Variants in TBC1D8 observed in about 807,000 individuals in gnomAD.
The protein encoded by TBC1D8 is BUB2-like protein 1.
Under a neutral mutation model 118.8 loss-of-function variants are expected in TBC1D8, and 65 were observed. The observed-to-expected ratio is 0.55, with a 90% CI of 0.45 to 0.67. The LOEUF (loss-of-function observed/expected upper bound fraction) is 0.67, where lower values mean the gene tolerates loss of function less well. Among genes scored for constraint, TBC1D8 ranks in the 30% least tolerant of loss-of-function variants. TBC1D8 has a pLI of 0.00. For missense variants in TBC1D8, 1,376 were observed against 1,471.2 expected (o/e 0.94, Z 1.06); for synonymous variants, 566 against 595.8 (o/e 0.95, Z 0.73).
At chr2:101,091,469 T>A (rs1288596620) in intron 1 of TBC1D8, among the ~76,000 whole-genome samples, 1 of 152,160 alleles carries the variant, frequency 6.6e-6, no homozygotes, top group African/African-American at 2.4e-5. Context: ...CTCATGCCTG[T>A]AATCCCAGCA....
intron 1 of TBC1D8, among the ~76,000 whole-genome samples, chr2:101,123,803 G>A (rs1362019987): frequency 1.3e-5 from 2 of 152,180 alleles, no homozygotes; most frequent in Non-Finnish European, 2.9e-5. Flanking sequence ...ACACATAAAG[G>A]AAGGTCCTGC....
At chr2:101,121,593 G>A (rs1018977307) in intron 1 of TBC1D8, among the ~76,000 whole-genome samples, 3 of 152,208 alleles carry the variant, frequency 2.0e-5, no homozygotes, top group Admixed American at 1.3e-4. Flanking sequence ...TTGTAAGGGC[G>A]CTAGTCCCAT....
At chr2:101,109,730 G>A in intron 1 of TBC1D8, 1 of 929,276 alleles carries the variant, frequency 1.1e-6, no homozygotes, top group South Asian at 5.0e-5. Flanking sequence ...ATGATGCCGG[G>A]CCTCCCCAGC....
chr2:101,044,200 A>G (rs1681557400), intron 5 of TBC1D8, among the ~76,000 whole-genome samples: 1 of 152,256 alleles, frequency 6.6e-6, no homozygotes, highest in Admixed American at 6.5e-5. Flanking sequence ...AACAGGGGGG[A>G]CTTTCCTAAG....
rs189537525 is a variant in TBC1D8 at position 101,129,457 on chromosome 2, T to C, written c.127+21670A>G. Among the ~76,000 whole-genome samples, 290 of 152,248 alleles carry C rather than the reference T, an allele frequency of 1.9e-3. 1 individual carries two copies. The Middle Eastern group carries it at 0.02, about 11-fold the overall frequency. On this transcript the variant is annotated intron_variant, in intron 1 of 19. Transcript: ENST00000409318. ...CATCTGGCCCTGACCACAGTTTTTT[T>C]AAATATCTGTTACTTAAACCATTAA...
In TBC1D8 at chr2:101,022,363, C is replaced by T. The variant is rs149786151; in HGVS notation, c.2679G>A (p.Glu893=). The T allele has an allele frequency of 6.2e-7, 1 of 1,613,270 alleles. No homozygotes were observed. Among genetic ancestry groups the T allele is most frequent in the Non-Finnish European group, 8.5e-7 (1 of 1,179,684 alleles). The change falls in exon 16 of 20, where the codon GAG becomes GAA. Residue 893 remains glutamate, a synonymous_variant. Transcript: ENST00000409318. ...VSPWTCGAHT[E]ILAERTFRLL... ...GCCTGAACGTCCTTTCGGCGAGGATCTCCGTGTGGGCCCCGCAGGTCCAGG... is the reference window on the plus strand; with the variant it reads ...GCCTGAACGTCCTTTCGGCGAGGATTTCCGTGTGGGCCCCGCAGGTCCAGG...
intron 2 of TBC1D8, among the ~76,000 whole-genome samples, chr2:101,088,502 G>T (rs1485226248): frequency 1.3e-5 from 2 of 151,998 alleles, no homozygotes; most frequent in African/African-American, 4.8e-5. Flanking sequence ...TGGCCAGGCT[G>T]GTCTTGAACT....
At chr2:101,060,755 G>C (rs1682707700) in intron 2 of TBC1D8, among the ~76,000 whole-genome samples, 1 of 152,182 alleles carries the variant, frequency 6.6e-6, no homozygotes, top group African/African-American at 2.4e-5. Context: ...TGGGCATCAG[G>C]TGTTTCTACT....
At chr2:101,064,568 C>CA (rs1039078056) in intron 2 of TBC1D8, among the ~76,000 whole-genome samples, 1 of 151,664 alleles carries the variant, frequency 6.6e-6, no homozygotes, top group Non-Finnish European at 1.5e-5. Context: ...TCCAATTTTT[C>CA]AAAAAAAGAC....
chr2:101,007,894 ATCT>A lies in TBC1D8; in HGVS notation c.3392_3394del (p.Lys1131del), dbSNP rs777626945. ...AAAAGTTTTGAGATTGTACTGATTGATCTTGGCATTTTCAAGTTTGGATTTCAT... is the reference window on the plus strand; with the variant it reads ...AAAAGTTTTGAGATTGTACTGATTGATGGCATTTTCAAGTTTGGATTTCAT... On this transcript the variant is annotated inframe_deletion, in exon 20 of 20. Coordinates refer to ENST00000409318, the MANE Select transcript of TBC1D8 (RefSeq NM_001330348.2). 1 of 1,613,964 alleles carries A rather than the reference ATCT, an allele frequency of 6.2e-7. No individual in the cohort carries two copies. Among genetic ancestry groups the A allele is most frequent in the Admixed American group, 1.7e-5 (1 of 60,018 alleles).
intron 1 of TBC1D8, among the ~76,000 whole-genome samples, chr2:101,121,142 C>T (rs995081801): frequency 3.3e-5 from 5 of 152,124 alleles, no homozygotes; most frequent in African/African-American, 1.2e-4. Context: ...ATCACTAAGG[C>T]GCTCTTTTGA....
chr2:101,041,874 C>T (rs1432461307), intron 5 of TBC1D8, among the ~76,000 whole-genome samples: 1 of 151,836 alleles, frequency 6.6e-6, no homozygotes, highest in African/African-American at 2.4e-5. Flanking sequence ...AAAATACAAA[C>T]ATCAGCTGGG....
At chr2:101,137,747 G>A (rs567593978) in intron 1 of TBC1D8, among the ~76,000 whole-genome samples, 2 of 152,296 alleles carry the variant, frequency 1.3e-5, no homozygotes, top group Non-Finnish European at 2.9e-5. Context: ...GTACAGGGGT[G>A]TCCTACATGC....
At chr2:101,096,894 TAGG>T (rs1345099388) in intron 1 of TBC1D8, among the ~76,000 whole-genome samples, 1 of 151,520 alleles carries the variant, frequency 6.6e-6, no homozygotes, top group East Asian at 1.9e-4. Context: ...ATTGGAATAA[TAGG>T]AGAAGAGATA....
intron 2 of TBC1D8, chr2:101,068,527 G>A (rs1039809654): frequency 2.0e-5 from 10 of 491,294 alleles, no homozygotes; most frequent in Non-Finnish European, 3.4e-5. Context: ...CCACAGTGGT[G>A]GTATGTAAAC....
chr2:101,082,175 T>C (rs915314746), intron 2 of TBC1D8, among the ~76,000 whole-genome samples: 1 of 152,162 alleles, frequency 6.6e-6, no homozygotes, highest in Non-Finnish European at 1.5e-5. Context: ...GTGTGAATAA[T>C]GCAGTTGGTA....
intron 2 of TBC1D8, among the ~76,000 whole-genome samples, chr2:101,083,552 G>C (rs974455271): frequency 6.6e-6 from 1 of 152,132 alleles, no homozygotes; most frequent in Non-Finnish European, 1.5e-5. Context: ...TCCAAACACA[G>C]TCAGCCATAG....
At position 101,032,292 on chromosome 2, in the gene TBC1D8, C is replaced by T. The variant is rs201866929; in HGVS notation, c.1912G>A (p.Asp638Asn). 3.8e-5 allele frequency: 62 copies of T among 1,613,552 alleles called. 1 individual carries two copies. Among genetic ancestry groups the T allele is most frequent in the East Asian group, 2.0e-4 (9 of 44,862 alleles). Residue 638 changes from aspartate (D) to asparagine (N), a missense_variant, in exon 11 of 20, where the codon GAT becomes AAT. Transcript: ENST00000409318. ...LVAVCERMLP[D>N]YFNHRVIGAQ... ...CCGATCACTCGGTGGTTGAAGTAAT[C>T]GGGCAGCATCCGCTCACACACAGCA...
chr2:101,042,109 T>C (rs953309593), intron 5 of TBC1D8, among the ~76,000 whole-genome samples: 9 of 151,918 alleles, frequency 5.9e-5, no homozygotes, highest in Non-Finnish European at 1.2e-4. Context: ...TTTAAAAATA[T>C]ATATTTTAAG....
Sources: gnomAD v4.1 joint callset for allele counts (sites outside exome capture counted in the v4.1 genomes callset) on GRCh38, gnomAD v4.1.1 for gene constraint, MANE v1.5 for transcripts, NCBI Gene and HGNC (gene_info 2026-07-23, HGNC 2026-07-21) for gene names.